AANAT: variants seen among roughly 807,000 people sequenced by gnomAD.
AANAT encodes the protein aralkylamine N-acetyltransferase.
Under a neutral mutation model 15.6 loss-of-function variants are expected in AANAT, and 11 were observed. The observed-to-expected ratio is 0.71, with a 90% CI of 0.44 to 1.17. The LOEUF (loss-of-function observed/expected upper bound fraction) is 1.17, where lower values mean the gene tolerates loss of function less well. Ranked by LOEUF, AANAT falls within the 50% of genes most tolerant of loss-of-function variation. The probability of loss-of-function intolerance (pLI) is 0.00; values close to 1 mark genes in which losing one functional copy is unlikely to be tolerated. For missense variants in AANAT, 286 were observed against 296.3 expected, an observed-to-expected ratio of 0.97 and a Z score of 0.26; for synonymous variants, 139 against 131.5, an observed-to-expected ratio of 1.06 and a Z score of -0.39.
rs1410187140 is a variant in AANAT, at chr17:76,467,613, T to C, written c.-190T>C. 1 of 985,414 alleles carries C rather than the reference T, an allele frequency of 1.0e-6. No individual in the cohort carries two copies. The highest frequency in any genetic ancestry group is 1.2e-6 in the Non-Finnish European group (1 of 830,016). 61.0% of individuals were successfully genotyped at this position (985,414 alleles called of 1,614,324 possible). On this transcript the variant is annotated 5_prime_UTR_variant, in exon 1 of 4. Transcript: ENST00000392492. ...CACAGGCTGCCCGGGGAACATCTGC[T>C]ACTACAGCCTTGCAGCCCGGAGTCC...
chr17:76,465,883 G>A (rs2073431958), upstream of AANAT: 3 of 374,254 alleles, frequency 8.0e-6, no homozygotes, highest in African/African-American at 2.2e-5. Flanking sequence ...TTTGAGACAG[G>A]GTCTCGCTCT....
At chr17:76,466,108 T>C (rs114793165), upstream of AANAT, 258 of 1,401,568 alleles carry the variant, frequency 1.8e-4, no homozygotes, top group African/African-American at 3.4e-3. Flanking sequence ...GAGAGGCCGA[T>C]TGAACAGCAG....
chr17:76,456,534 T>C (rs2073345116), intron 1 of AANAT, among the ~76,000 whole-genome samples: 7 of 152,154 alleles, frequency 4.6e-5, no homozygotes, highest in Admixed American at 3.3e-4. Context: ...GGATATGATT[T>C]TGGGGCAAGG....
intron 1 of AANAT, among the ~76,000 whole-genome samples, chr17:76,454,933 C>G (rs2073326881): frequency 6.6e-6 from 1 of 151,846 alleles, no homozygotes; most frequent in African/African-American, 2.4e-5. Context: ...TCAAGACCAG[C>G]CTGGCCAAGA....
intron 2 of AANAT, among the ~76,000 whole-genome samples, chr17:76,460,129 AATTTT>A (rs2073373555): frequency 6.0e-5 from 5 of 82,926 alleles, no homozygotes; most frequent in Admixed American, 1.2e-4. Context: ...TACTTCAGGA[AATTTT>A]TTTTTTTTTT....
intron 2 of AANAT, among the ~76,000 whole-genome samples, chr17:76,461,299 G>A (rs1407287555): frequency 2.0e-5 from 3 of 152,076 alleles, no homozygotes; most frequent in Non-Finnish European, 4.4e-5. Flanking sequence ...CCTCTTGGGG[G>A]GACAGGTGTG....
At chr17:76,458,254 T>G (rs36119142) in intron 1 of AANAT, among the ~76,000 whole-genome samples, 12,476 of 152,106 alleles carry the variant, frequency 0.082, 706 homozygotes, top group Non-Finnish European at 0.12. Flanking sequence ...TTCCTACCCA[T>G]CCGATGGTGT....
intron 1 of AANAT, among the ~76,000 whole-genome samples, chr17:76,457,699 T>C (rs2073353554): frequency 6.6e-6 from 1 of 152,212 alleles, no homozygotes; most frequent in Admixed American, 6.5e-5. Context: ...TGTGTAACCC[T>C]GGTGCCTAGG....
rs753396157 is a variant in AANAT, at chr17:76,469,279, T to C, written c.270T>C (p.Leu90=). 2 of 1,614,188 alleles carry C rather than the reference T, an allele frequency of 1.2e-6. No homozygotes were observed. Among genetic ancestry groups the C allele is most frequent in the South Asian group, 1.1e-5 (1 of 91,088 alleles). ...LSLGWFEEGC[L]VAFIIGSLWD... ...TGGGCTGGTTCGAGGAGGGCTGCCT[T>C]GTGGCCTTCATCATCGGCTCGCTCT... Residue 90 remains leucine, a synonymous_variant, in exon 3 of 4, where the codon CTT becomes CTC. Coordinates refer to ENST00000392492, the MANE Select transcript of AANAT (RefSeq NM_001088.3). The surrounding 1 kb of genome is among the most constrained non-coding windows in gnomAD (Gnocchi z 5.2).
Position 76,469,586 on chromosome 17 carries a change from T to C in AANAT, c.319-79T>C. On this transcript the variant is annotated intron_variant, in intron 3 of 3. Coordinates refer to ENST00000392492, the MANE Select transcript of AANAT (RefSeq NM_001088.3). This position sits in a 1 kb window ranked among gnomAD's most constrained non-coding sequence, Gnocchi z 5.2. ...CCACAGGCACCCAGGGGACACCTGC[T>C]CCCTGCCTGGGTTGGTGGTTGGGGG... 1 of 1,405,912 alleles carries C rather than the reference T, an allele frequency of 7.1e-7. No homozygotes were observed. The highest frequency in any genetic ancestry group is 9.3e-7 in the Non-Finnish European group (1 of 1,073,798). The allele number at this position is 1,405,912 out of a possible 1,614,324, so 87.1% of individuals were successfully genotyped here. A position where few individuals can be genotyped will look rare whatever the true frequency, so the allele number is the denominator to read the frequency against.
At chr17:76,464,362 T>C (rs1451992678), upstream of AANAT, among the ~76,000 whole-genome samples, 3 of 146,720 alleles carry the variant, frequency 2.0e-5, no homozygotes, top group Non-Finnish European at 4.5e-5. Flanking sequence ...AAAAAAAGAA[T>C]ATTCTGGAGT....
In AANAT at chr17:76,468,770, C is replaced by G; in HGVS notation, c.24C>G (p.Pro8=). 1.2e-6 allele frequency: 2 copies of G among 1,613,162 alleles called. No homozygotes were observed. Among genetic ancestry groups the G allele is most frequent in the Non-Finnish European group, 1.7e-6 (2 of 1,179,824 alleles). ...GAATGTCCACGCAGAGCACCCACCCCCTGAAACCTGAGGCCCCACGTCTGC... is the reference window on the plus strand; with the variant it reads ...GAATGTCCACGCAGAGCACCCACCCGCTGAAACCTGAGGCCCCACGTCTGC... MSTQSTH[P]LKPEAPRLPP... Residue 8 remains proline (P), a synonymous_variant, in exon 2 of 4, where the codon CCC becomes CCG. Coordinates refer to ENST00000392492, the MANE Select transcript of AANAT (RefSeq NM_001088.3).
intron 1 of AANAT, among the ~76,000 whole-genome samples, chr17:76,468,299 C>T (rs1354624637): frequency 2.0e-5 from 3 of 152,126 alleles, no homozygotes; most frequent in South Asian, 2.1e-4. Context: ...TGGAGGGTCA[C>T]GAGTCCTGCC....
chr17:76,468,621 G>C, intron 1 of AANAT, 51 bp from the exon 2 acceptor site: 1 of 1,467,182 alleles, frequency 6.8e-7, no homozygotes, highest in Non-Finnish European at 9.1e-7. Context: ...TCTGGGGCCT[G>C]CCTCCCTGGA....
chr17:76,466,424 G>A (rs1028251842), upstream of AANAT, among the ~76,000 whole-genome samples: 5 of 152,150 alleles, frequency 3.3e-5, no homozygotes, highest in African/African-American at 1.2e-4. Context: ...CGGGGGCATC[G>A]GGACGGGGTC....
chr17:76,466,342 T>G, upstream of AANAT: 10 of 612,800 alleles, frequency 1.6e-5, no homozygotes, highest in South Asian at 3.9e-5. Flanking sequence ...AGCAGGCAGG[T>G]GGGCCTCAGA....
chr17:76,455,841 C>T (rs1254691293), intron 1 of AANAT, among the ~76,000 whole-genome samples: 1 of 151,968 alleles, frequency 6.6e-6, no homozygotes, highest in Non-Finnish European at 1.5e-5. Context: ...TGGTGAAACC[C>T]CGTCTCTGCT....
In AANAT at chr17:76,469,037, A is replaced by G. The variant is rs1011944305; in HGVS notation, c.163+128A>G. On this transcript the variant is annotated intron_variant, in intron 2 of 3. Coordinates refer to ENST00000392492, the MANE Select transcript of AANAT (RefSeq NM_001088.3). The surrounding 1 kb of genome is among the most constrained non-coding windows in gnomAD (Gnocchi z 5.2). ...GTATCAGACCATGTGTGCGCTCAAG[A>G]AAGTGGGGGAAACAGCAGCCCTAAC... 3.3e-6 allele frequency: 5 copies of G among 1,493,582 alleles called. No individual in the cohort carries two copies. The highest frequency in any genetic ancestry group is 1.8e-5 in the Admixed American group (1 of 54,524). 92.5% of individuals were successfully genotyped at this position (1,493,582 alleles called of 1,614,324 possible).
chr17:76,463,858 C>T (rs1405670250), upstream of AANAT, among the ~76,000 whole-genome samples: 1 of 152,140 alleles, frequency 6.6e-6, no homozygotes, highest in Non-Finnish European at 1.5e-5. Flanking sequence ...ACCTTTTTTA[C>T]TGTCATGATA....
Sources: gnomAD v4.1 joint callset for allele counts (sites outside exome capture counted in the v4.1 genomes callset) on GRCh38, gnomAD v4.1.1 for gene constraint, Gnocchi (gnomAD v3.1) non-coding constraint, MANE v1.5 for transcripts, NCBI Gene and HGNC (gene_info 2026-07-23, HGNC 2026-07-21) for gene names.